OSGIN1: variants seen among roughly 807,000 people sequenced by gnomAD.
The protein encoded by OSGIN1 is oxidative stress-induced growth inhibitor 1.
A neutral mutation model predicts 20.1 loss-of-function variants in OSGIN1; 19 were observed. The ratio of observed to expected loss-of-function variants is 0.95; its 90% CI spans 0.66 to 1.39. The LOEUF (loss-of-function observed/expected upper bound fraction) is 1.39, where lower values mean the gene tolerates loss of function less well. Among genes scored for constraint, OSGIN1 ranks in the 40% most tolerant of loss-of-function variants. The pLI, the probability that OSGIN1 is intolerant of heterozygous loss-of-function variation, is 0.00. For synonymous variants in OSGIN1, 368 were observed against 297.8 expected, an observed-to-expected ratio of 1.24 and a Z score of -2.43; for missense variants, 820 against 653.0, an observed-to-expected ratio of 1.26 and a Z score of -2.79.
intron 4 of OSGIN1, 74 bp from the exon 5 acceptor site, chr16:83,960,907 G>T (rs1454734435): frequency 5.9e-6 from 9 of 1,530,666 alleles, no homozygotes; most frequent in Admixed American, 5.1e-5. Flanking sequence ...CCCAGCAAAG[G>T]CCTCCCATGC....
rs980552713 is a variant in OSGIN1, at chr16:83,960,732, G to C, written c.368G>C (p.Gly123Ala). The change falls in exon 4 of 6, where the codon GGC (glycine) becomes GCC (alanine). Residue 123 changes from glycine to alanine, a missense_variant. Gly to Ala is a moderately conservative substitution (Grantham distance 60). Coordinates refer to ENST00000393306, the MANE Select transcript of OSGIN1 (RefSeq NM_182981.3). ...CACGCCATCCCCCACGTGGTTCTGGGCCGGAACCTCCCCGGGGGAGCCTGG... is the reference window on the plus strand; with the variant it reads ...CACGCCATCCCCCACGTGGTTCTGGCCCGGAACCTCCCCGGGGGAGCCTGG... ...KEHAIPHVVL[G>A]RNLPGGAWHS... The C allele has an allele frequency of 5.6e-5, 91 of 1,613,258 alleles. No homozygotes were observed. The highest frequency in any genetic ancestry group is 7.1e-5 in the Non-Finnish European group (84 of 1,180,032).
chr16:83,966,115 A>G lies in OSGIN1; in HGVS notation c.*108A>G. 1.1e-6 allele frequency: 1 copy of G among 918,108 alleles called. No individual in the cohort carries two copies. The highest frequency in any genetic ancestry group is 1.6e-6 in the Non-Finnish European group (1 of 627,610). The allele number at this position is 918,108 out of a possible 1,614,324, so 56.9% of individuals were successfully genotyped here. On this transcript the variant is annotated 3_prime_UTR_variant, in exon 6 of 6. Transcript: ENST00000393306. ...ATGCCCCGGGGAGGGGTGTCAGCCC[A>G]CGTTGCTGGCCTTTGGGGTCAAGAG...
At chr16:83,960,429 C>T (rs561010194) in intron 3 of OSGIN1, 140 bp from the exon 4 acceptor site, 9 of 653,490 alleles carry the variant, frequency 1.4e-5, no homozygotes, top group Non-Finnish European at 2.4e-5. Flanking sequence ...AAACTACCCC[C>T]AGGGTGCGCA....
At chr16:83,953,863 G>A (rs1399079747) in intron 1 of OSGIN1, among the ~76,000 whole-genome samples, 4 of 152,236 alleles carry the variant, frequency 2.6e-5, no homozygotes, top group Non-Finnish European at 5.9e-5. Context: ...AGTGCGGCGG[G>A]TTGGGAGGGC....
intron 5 of OSGIN1, among the ~76,000 whole-genome samples, chr16:83,964,069 C>T (rs1430327029): frequency 6.6e-6 from 1 of 152,110 alleles, no homozygotes; most frequent in Admixed American, 6.6e-5. Context: ...TTTGGGAGGC[C>T]GAGGCTGGTG....
At chr16:83,956,359 A>C (rs1486589554) in intron 1 of OSGIN1, among the ~76,000 whole-genome samples, 55 of 152,208 alleles carry the variant, frequency 3.6e-4, no homozygotes. Flanking sequence ...CACTTCTTCA[A>C]CTCAGATCAT....
chr16:83,953,863 G>T (rs1399079747), intron 1 of OSGIN1, among the ~76,000 whole-genome samples: 1 of 152,236 alleles, frequency 6.6e-6, no homozygotes, highest in African/African-American at 2.4e-5. Context: ...AGTGCGGCGG[G>T]TTGGGAGGGC....
rs201940808 is a variant in OSGIN1, at chr16:83,965,248, C to T, written c.675C>T (p.Phe225=). 3.4e-4 allele frequency: 545 copies of T among 1,611,790 alleles called. No individual in the cohort carries two copies. The highest frequency in any genetic ancestry group is 4.3e-4 in the Non-Finnish European group (512 of 1,179,334). The stretch of plus-strand genomic sequence containing the variant: ...GCCCCCTCTTCCAGGTGAGCGGCTT[C>T]CTGACCAGGAACCAGGCCCAGCAGC... The part of the protein sequence containing the change: ...DSSPLFQVSG[F]LTRNQAQQPF... Residue 225 remains phenylalanine, a synonymous_variant, in exon 6 of 6, where the codon TTC becomes TTT. Coordinates refer to ENST00000393306, the MANE Select transcript of OSGIN1 (RefSeq NM_182981.3).
At position 83,966,090 on chromosome 16, in the gene OSGIN1, A is replaced by T; in HGVS notation, c.*83A>T. 1 of 1,174,032 alleles carries T rather than the reference A, an allele frequency of 8.5e-7. No individual in the cohort carries two copies. 72.7% of individuals were successfully genotyped at this position (1,174,032 alleles called of 1,614,324 possible). On this transcript the variant is annotated 3_prime_UTR_variant, in exon 6 of 6. Transcript: ENST00000393306. ...TGCTGGATGCAGGACCCGTCCAAAG[A>T]TGCCCCGGGGAGGGGTGTCAGCCCA...
At chr16:83,956,070 A>G (rs1908912192) in intron 1 of OSGIN1, among the ~76,000 whole-genome samples, 1 of 152,170 alleles carries the variant, frequency 6.6e-6, no homozygotes, top group South Asian at 2.1e-4. Context: ...CTCACCTCTC[A>G]AGGCTGCTGA....
rs1441094316 is a variant in OSGIN1, at chr16:83,966,307, C to G, written c.*300C>G. The G allele has an allele frequency of 8.9e-6, 4 of 450,686 alleles. No individual in the cohort carries two copies. The highest frequency in any genetic ancestry group is 5.6e-4 in the Middle Eastern group (1 of 1,778). The allele number at this position is 450,686 out of a possible 1,614,324, so 27.9% of individuals were successfully genotyped here. A position where few individuals can be genotyped will look rare whatever the true frequency, so the allele number is the denominator to read the frequency against. On this transcript the variant is annotated 3_prime_UTR_variant, in exon 6 of 6. Transcript: ENST00000393306. The stretch of plus-strand genomic sequence containing the variant: ...AGCCCTGCGCCTTCCAGAAGCAGGT[C>G]CCAAATAAAGCCAGTGCCCACCTGC...
In OSGIN1 at chr16:83,965,107, C is replaced by G. The variant is rs1161274671; in HGVS notation, c.534C>G (p.Tyr178Ter). ...CCACTGCCGGGGACATCGCCCACTA[C>G]TACAGGGACTACGTGGTCAAGAAGG... The part of the protein sequence containing the change: ...SRATAGDIAH[Y>*]YRDYVVKKGL... The change falls in exon 6 of 6, where the codon TAC becomes TAG. Residue 178 changes from tyrosine to a stop codon, truncating the protein, a stop_gained. Transcript: ENST00000393306. LOFTEE classifies it low-confidence loss of function (END_TRUNC). The G allele has an allele frequency of 4.3e-6, 7 of 1,612,524 alleles. No homozygotes were observed. Among genetic ancestry groups the G allele is most frequent in the African/African-American group, 2.7e-5 (2 of 74,916 alleles).
chr16:83,960,565 C>G lies in OSGIN1; in HGVS notation c.205-4C>G, dbSNP rs765210417. On this transcript the variant is annotated splice_region_variant and splice_polypyrimidine_tract_variant and intron_variant, in intron 3 of 5. Transcript: ENST00000393306. ...CAGCCCCTCTGACCTATGCCCCCCTCCAGGACCTGGACTACCTGTCCGAAG... is the reference window on the plus strand; with the variant it reads ...CAGCCCCTCTGACCTATGCCCCCCTGCAGGACCTGGACTACCTGTCCGAAG... 2.5e-6 allele frequency: 4 copies of G among 1,612,268 alleles called. No individual in the cohort carries two copies. Among genetic ancestry groups the G allele is most frequent in the Admixed American group, 3.3e-5 (2 of 59,980 alleles).
chr16:83,955,582 G>T (rs928087809), intron 1 of OSGIN1, among the ~76,000 whole-genome samples: 1 of 152,128 alleles, frequency 6.6e-6, no homozygotes, highest in Non-Finnish European at 1.5e-5. Context: ...ACAACAACCC[G>T]ATTAAATAAG....
chr16:83,953,363 C>G lies in OSGIN1; in HGVS notation c.-40C>G. 7.8e-7 allele frequency: 1 copy of G among 1,288,864 alleles called. No individual in the cohort carries two copies. The highest frequency in any genetic ancestry group is 1.0e-6 in the Non-Finnish European group (1 of 988,506). 79.8% of individuals were successfully genotyped at this position (1,288,864 alleles called of 1,614,324 possible). On this transcript the variant is annotated 5_prime_UTR_variant, in exon 1 of 6. Transcript: ENST00000393306. ...GGCTCACTGGGCTCCTGCACCACTG[C>G]CTGTCAGGTGAGTGTCCGGGGCCAG...
chr16:83,954,577 T>C (rs1233098850), intron 1 of OSGIN1: 1 of 155,332 alleles, frequency 6.4e-6, no homozygotes, highest in African/African-American at 2.4e-5. Flanking sequence ...AGGTTATGAG[T>C]GACAGCGTCA....
chr16:83,966,193 A>T lies in OSGIN1; in HGVS notation c.*186A>T. 1 of 590,284 alleles carries T rather than the reference A, an allele frequency of 1.7e-6. No homozygotes were observed. Among genetic ancestry groups the T allele is most frequent in the Non-Finnish European group, 2.9e-6 (1 of 340,912 alleles). The allele number at this position is 590,284 out of a possible 1,614,324, so 36.6% of individuals were successfully genotyped here. On this transcript the variant is annotated 3_prime_UTR_variant, in exon 6 of 6. Coordinates refer to ENST00000393306, the MANE Select transcript of OSGIN1 (RefSeq NM_182981.3). The stretch of plus-strand genomic sequence containing the variant: ...TTAGACCAGTGTCTGAGGTGGTAAC[A>T]GCGGCCGCAGGCCAGGGTTGGCCTA...
chr16:83,960,824 C>T, intron 4 of OSGIN1, 64 bp downstream of exon 4: 1 of 1,536,340 alleles, frequency 6.5e-7, no homozygotes, highest in Non-Finnish European at 8.9e-7. Flanking sequence ...CCACTTGGGG[C>T]TGGGACTCTG....
At position 83,965,823 on chromosome 16, in the gene OSGIN1, A is replaced by T. The variant is rs569496222; in HGVS notation, c.1250A>T (p.Asp417Val). 46 of 1,612,242 alleles carry T rather than the reference A, an allele frequency of 2.9e-5. 3 individuals carry two copies. The South Asian group carries it at 4.7e-4, about 17-fold the overall frequency. The change falls in exon 6 of 6, where the codon GAC becomes GTC. Residue 417 changes from aspartate (D) to valine (V), a missense_variant. Asp to Val is a radical substitution (Grantham distance 152). Transcript: ENST00000393306. ...GAGADFAVDP[D>V]QPLSAKRNPI... The stretch of plus-strand genomic sequence containing the variant: ...GGGGCTGACTTTGCAGTGGATCCTG[A>T]CCAGCCGCTGAGCGCCAAGAGGAAC...
Sources: allele counts gnomAD v4.1 joint callset (sites outside exome capture counted in the v4.1 genomes callset), GRCh38; gene constraint gnomAD v4.1.1; transcripts MANE v1.5; gene names NCBI Gene and HGNC (gene_info 2026-07-23, HGNC 2026-07-21).